Variants in USP40 observed in about 807,000 individuals in gnomAD.
The protein encoded by USP40 is ubiquitin carboxyl-terminal hydrolase 40.
In USP40, 143 loss-of-function variants were observed where a neutral mutation model predicts 166.2. That is an observed-to-expected ratio of 0.86 (90% CI 0.75 to 0.99). The LOEUF is 0.99. Among genes scored for constraint, USP40 ranks in the 50% least tolerant of loss-of-function variants. USP40 has a pLI of 0.00. For missense variants in USP40, 1,444 were observed against 1,479.7 expected, an observed-to-expected ratio of 0.98 and a Z score of 0.40; for synonymous variants, 498 against 524.0, an observed-to-expected ratio of 0.95 and a Z score of 0.68.
rs1202525891 is a variant in USP40 at position 233,475,828 on chromosome 2, A to T, written c.*1564T>A. ...GATGCTACAGAAATATGTCAGTTAA[A>T]GCCACAGAAACAGAACAGCTTAAGA... is the stretch of plus-strand genomic sequence containing the variant. On this transcript the variant is annotated 3_prime_UTR_variant, in exon 32 of 32. Transcript: ENST00000678225. 6.6e-6 allele frequency: 1 copy of T among 152,444 alleles called. No individual in the cohort carries two copies. The highest frequency in any genetic ancestry group is 1.5e-5 in the Non-Finnish European group (1 of 68,072). 9.4% of individuals were successfully genotyped at this position (152,444 alleles called of 1,614,324 possible). A position where few individuals can be genotyped will look rare whatever the true frequency, so the allele number is the denominator to read the frequency against.
chr2:233,501,480 C>T (rs1431907329), intron 21 of USP40, among the ~76,000 whole-genome samples: 1 of 152,180 alleles, frequency 6.6e-6, no homozygotes, highest in Non-Finnish European at 1.5e-5. Flanking sequence ...TTTATAAGAA[C>T]AGACCCTGGG....
At chr2:233,560,548 A>T (rs1223764745) in intron 3 of USP40, among the ~76,000 whole-genome samples, 1 of 152,172 alleles carries the variant, frequency 6.6e-6, no homozygotes, top group Non-Finnish European at 1.5e-5. Context: ...ACAGATTGGG[A>T]ATAAAAAGAA....
chr2:233,503,147 A>T (rs2066191946), intron 21 of USP40, among the ~76,000 whole-genome samples: 1 of 152,218 alleles, frequency 6.6e-6, no homozygotes, highest in Non-Finnish European at 1.5e-5. Context: ...AAATTCATTC[A>T]TAATCTGAAT....
At chr2:233,483,110 T>G (rs1266313840) in intron 30 of USP40, among the ~76,000 whole-genome samples, 1 of 152,236 alleles carries the variant, frequency 6.6e-6, no homozygotes, top group African/African-American at 2.4e-5. Context: ...TTCACTGTTT[T>G]TTATGATTTC....
At chr2:233,527,900 C>T (rs558104070) in intron 12 of USP40, among the ~76,000 whole-genome samples, 15 of 149,924 alleles carry the variant, frequency 1.0e-4, no homozygotes, top group African/African-American at 2.5e-4. Flanking sequence ...GACCTGCTTA[C>T]ATCATTATGT....
At position 233,521,099 on chromosome 2, in the gene USP40, T is replaced by C. The variant is rs200707107; in HGVS notation, c.2217A>G (p.Glu739=). 59 of 1,562,280 alleles carry C rather than the reference T, an allele frequency of 3.8e-5. No individual in the cohort carries two copies. The highest frequency in any genetic ancestry group is 4.9e-5 in the Non-Finnish European group (56 of 1,144,828). ...SHDDNSLLTK[E]EKWVTSMNEI... is the part of the protein sequence containing the mutation. The stretch of plus-strand genomic sequence containing the variant: ...CATTCATACTAGTGACCCATTTCTC[T>C]TCCTTGGTCAACAAGCTGTAGGTAA... The change falls in exon 17 of 32, where the codon GAA becomes GAG. Residue 739 remains glutamate, a synonymous_variant. Transcript: ENST00000678225.
chr2:233,543,719 T>G (rs1223296086), intron 8 of USP40, among the ~76,000 whole-genome samples: 8 of 152,232 alleles, frequency 5.3e-5, no homozygotes, highest in Admixed American at 4.6e-4. Flanking sequence ...GGTGCCTTAA[T>G]CTTGACTTCC....
At position 233,527,442 on chromosome 2, in the gene USP40, T is replaced by C. The variant is rs776589708; in HGVS notation, c.1690A>G (p.Lys564Glu). The change falls in exon 13 of 32, where the codon AAA becomes GAA. Residue 564 changes from lysine to glutamate, a missense_variant. By Grantham distance (56) the Lys-to-Glu change is moderately conservative. Coordinates refer to ENST00000678225, the MANE Select transcript of USP40 (RefSeq NM_001365479.2). ...SVWDLTFDKR[K>E]TLGDLRQSIF... is the part of the protein sequence containing the mutation. ...GACTGCCGGAGATCTCCTAAAGTTT[T>C]TCTTTTATCAAAGGTCAAATCCCAC... 7 of 1,613,558 alleles carry C rather than the reference T, an allele frequency of 4.3e-6. 1 individual carries two copies. In the South Asian group the frequency reaches 7.7e-5, roughly 18 times the overall value.
intron 24 of USP40, among the ~76,000 whole-genome samples, chr2:233,495,937 A>G (rs1253296342): frequency 1.3e-5 from 2 of 152,254 alleles, no homozygotes; most frequent in Non-Finnish European, 2.9e-5. Context: ...AGTGAATAAA[A>G]GCAAACAAAA....
chr2:233,539,014 G>A (rs2069151350), intron 10 of USP40, among the ~76,000 whole-genome samples: 1 of 152,068 alleles, frequency 6.6e-6, no homozygotes, highest in Admixed American at 6.5e-5. Flanking sequence ...GAGTGACAGA[G>A]CAAAACTCTG....
intron 5 of USP40, among the ~76,000 whole-genome samples, chr2:233,555,399 G>A (rs767284954): frequency 1.5e-4 from 23 of 152,030 alleles, no homozygotes; most frequent in Non-Finnish European, 2.9e-4. Flanking sequence ...AGAGATTTTG[G>A]GGAATGAAAA....
rs749276098 is a variant in USP40, at chr2:233,523,454, G to A, written c.1917C>T (p.Cys639=). 6.2e-6 allele frequency: 10 copies of A among 1,613,644 alleles called. No individual in the cohort carries two copies. Among genetic ancestry groups the A allele is most frequent in the African/African-American group, 2.7e-5 (2 of 74,896 alleles). ...GGVHIQTGID[C]EPLLLNVLHL... ...GAAGAACATTTAAAAGTAGAGGTTC[G>A]CAGTCAATACCAGTTTGAATGTGGA... The change falls in exon 16 of 32, where the codon TGC becomes TGT. Residue 639 remains cysteine, a synonymous_variant. Transcript: ENST00000678225.
At chr2:233,559,635 C>T (rs937080831) in intron 4 of USP40, among the ~76,000 whole-genome samples, 176 bp downstream of exon 4, 2 of 152,176 alleles carry the variant, frequency 1.3e-5, no homozygotes, top group Admixed American at 1.3e-4. Flanking sequence ...ATCCTGTATA[C>T]AGCAAGTGTC....
chr2:233,528,511 C>A (rs1007129939), intron 12 of USP40, among the ~76,000 whole-genome samples: 7 of 152,162 alleles, frequency 4.6e-5, no homozygotes, highest in African/African-American at 1.7e-4. Context: ...CACAACCACA[C>A]GAAAGACCTT....
At chr2:233,479,293 G>A (rs533196439) in intron 31 of USP40, among the ~76,000 whole-genome samples, 24 of 152,296 alleles carry the variant, frequency 1.6e-4, no homozygotes, top group South Asian at 8.3e-4. Context: ...AGCCAGGCGC[G>A]GTGGCTCACG....
chr2:233,557,577 A>T (rs1194638994), intron 4 of USP40, among the ~76,000 whole-genome samples: 1 of 152,194 alleles, frequency 6.6e-6, no homozygotes, highest in Non-Finnish European at 1.5e-5. Flanking sequence ...AAAAATTTAT[A>T]ACCAAACCAA....
At chr2:233,562,473 C>A (rs1039228685) in intron 3 of USP40, among the ~76,000 whole-genome samples, 2 of 150,682 alleles carry the variant, frequency 1.3e-5, no homozygotes, top group Non-Finnish European at 2.9e-5. Flanking sequence ...GAACAAAAAA[C>A]CAAACACCAC....
rs144448963 is a variant in USP40 at position 233,488,201 on chromosome 2, C to T, written c.3197+38G>A. 4.9e-4 allele frequency: 754 copies of T among 1,552,612 alleles called. 10 individuals are homozygous for T. In the East Asian group the frequency reaches 0.014, roughly 29 times the overall value. ...TCAAAAGGCAAACGAGGTTAAGATA[C>T]GTGTGTGTCACTTCAGATGCACAGG... On this transcript the variant is annotated intron_variant, in intron 28 of 31. Transcript: ENST00000678225.
intron 30 of USP40, among the ~76,000 whole-genome samples, chr2:233,484,694 G>A (rs1213052870): frequency 6.6e-6 from 1 of 152,030 alleles, no homozygotes. Flanking sequence ...TGTTGTCCAG[G>A]CTGGTCTCGA....
Sources: gnomAD v4.1 joint callset for allele counts (sites outside exome capture counted in the v4.1 genomes callset) on GRCh38, gnomAD v4.1.1 for gene constraint, MANE v1.5 for transcripts, NCBI Gene and HGNC (gene_info 2026-07-23, HGNC 2026-07-21) for gene names.